The following SLC41A2 variants were observed in gnomAD, a reference collection of about 807,000 sequenced individuals.
The protein encoded by SLC41A2 is solute carrier family 41 member 2, also known as SLC41A1-like 1.
Under a neutral mutation model 58.3 loss-of-function variants are expected in SLC41A2, and 32 were observed. The ratio of observed to expected loss-of-function variants is 0.55; its 90% CI spans 0.41 to 0.74. SLC41A2 has a LOEUF of 0.74. Among genes scored for constraint, SLC41A2 ranks in the 30% least tolerant of loss-of-function variants. The probability of loss-of-function intolerance (pLI) is 0.00; values close to 1 mark genes in which losing one functional copy is unlikely to be tolerated. For missense variants in SLC41A2, 514 were observed against 680.6 expected (o/e 0.76, Z 2.72); for synonymous variants, 190 against 235.0 (o/e 0.81, Z 1.75).
At chr12:104,835,899 A>T (rs1289770061) in intron 10 of SLC41A2, among the ~76,000 whole-genome samples, 2 of 152,160 alleles carry the variant, frequency 1.3e-5, no homozygotes, top group Admixed American at 6.5e-5. Flanking sequence ...GCTGGAGTGC[A>T]GTGGCATGAT....
intron 3 of SLC41A2, among the ~76,000 whole-genome samples, chr12:104,901,536 T>C (rs2045560558): frequency 6.6e-6 from 1 of 152,062 alleles, no homozygotes; most frequent in Non-Finnish European, 1.5e-5. Flanking sequence ...ATAGGAAACC[T>C]ATTTTTATTT....
At chr12:104,919,368 G>A (rs2135833319) in intron 2 of SLC41A2, among the ~76,000 whole-genome samples, 1 of 152,324 alleles carries the variant, frequency 6.6e-6, no homozygotes, top group Non-Finnish European at 1.5e-5. Context: ...GCCCAGGAAT[G>A]CAGTTGCTAT....
chr12:104,940,349 C>G (rs1159228523), intron 1 of SLC41A2, among the ~76,000 whole-genome samples: 1 of 67,210 alleles, frequency 1.5e-5, no homozygotes, highest in African/African-American at 9.6e-5. Flanking sequence ...AAAAGGCTCA[C>G]CTGGGGGGGA....
At chr12:104,824,248 C>T (rs1034516848) in intron 10 of SLC41A2, among the ~76,000 whole-genome samples, 4 of 151,926 alleles carry the variant, frequency 2.6e-5, no homozygotes, top group Non-Finnish European at 4.4e-5. Context: ...TGCCTATAAA[C>T]CCCCCCGAGA....
At chr12:104,822,571 CT>C (rs1223345247) in intron 10 of SLC41A2, among the ~76,000 whole-genome samples, 1 of 152,094 alleles carries the variant, frequency 6.6e-6, no homozygotes, top group African/African-American at 2.4e-5. Flanking sequence ...GGAATATATG[CT>C]GTTTTATGAG....
chr12:104,940,281 G>A (rs2047453049), intron 1 of SLC41A2, among the ~76,000 whole-genome samples: 1 of 151,308 alleles, frequency 6.6e-6, no homozygotes, highest in Non-Finnish European at 1.5e-5. Flanking sequence ...CAAAGTGCTA[G>A]GATTACAGAA....
Position 104,805,209 on chromosome 12 carries a change from G to C in SLC41A2, c.1665C>G (p.Ala555=). The C allele has an allele frequency of 6.2e-7, 1 of 1,613,670 alleles. No homozygotes were observed. The highest frequency in any genetic ancestry group is 1.1e-5 in the South Asian group (1 of 91,050). ...LGDLLGTALL[A]LSFHFLWLIG... ...TAAGCCAAAGAAAATGAAAACTTAA[G>C]GCTAACAGAGCTGTCCCGAGCAGAT... The change falls in exon 11 of 11, where the codon GCC becomes GCG. Residue 555 remains alanine, a synonymous_variant. Coordinates refer to ENST00000258538, the MANE Select transcript of SLC41A2 (RefSeq NM_001352171.3).
intron 3 of SLC41A2, among the ~76,000 whole-genome samples, chr12:104,908,405 C>T (rs1008128121): frequency 1.3e-5 from 2 of 152,198 alleles, no homozygotes; most frequent in African/African-American, 4.8e-5. Context: ...AGAAGTGGGA[C>T]AGAGGGTGGA....
chr12:104,866,831 CATA>C (rs1314344122), intron 6 of SLC41A2, among the ~76,000 whole-genome samples: 2 of 151,954 alleles, frequency 1.3e-5, no homozygotes, highest in Non-Finnish European at 2.9e-5. Context: ...ATGAAAATAG[CATA>C]ATAACAATAA....
At chr12:104,868,783 A>C (rs1193705143) in intron 6 of SLC41A2, among the ~76,000 whole-genome samples, 2 of 152,192 alleles carry the variant, frequency 1.3e-5, no homozygotes, top group South Asian at 4.1e-4. Flanking sequence ...TCATTAATCC[A>C]TACAATTGGA....
At chr12:104,946,053 T>C (rs1276162654) in intron 1 of SLC41A2, among the ~76,000 whole-genome samples, 3 of 152,210 alleles carry the variant, frequency 2.0e-5, no homozygotes, top group African/African-American at 7.2e-5. Flanking sequence ...TAAAAAATGA[T>C]AAAACATTAA....
rs573741215 is a variant in SLC41A2, at chr12:104,857,906, C to T, written c.1255+3385G>A. On this transcript the variant is annotated intron_variant, in intron 8 of 10. Transcript: ENST00000258538. ...TAGAAAATATACCTAATGTAAATGA[C>T]GAGTTAATGGGTGCAGCACACCAAT... 1.1e-3 allele frequency among the ~76,000 whole-genome samples: 164 copies of T among 151,480 alleles called. 1 individual carries two copies. The highest frequency in any genetic ancestry group is 3.1e-3 in the African/African-American group (127 of 41,278).
intron 4 of SLC41A2, among the ~76,000 whole-genome samples, chr12:104,892,530 C>T (rs2045061171): frequency 6.6e-6 from 1 of 151,628 alleles, no homozygotes; most frequent in African/African-American, 2.4e-5. Context: ...TGTGGGATCA[C>T]AAAAAGACTC....
At chr12:104,953,435 C>A (rs2048030801) in intron 1 of SLC41A2, among the ~76,000 whole-genome samples, 1 of 152,222 alleles carries the variant, frequency 6.6e-6, no homozygotes, top group Non-Finnish European at 1.5e-5. Context: ...CCACCCCCAT[C>A]ACTAATTCCT....
chr12:104,946,640 A>G (rs906160740), intron 1 of SLC41A2, among the ~76,000 whole-genome samples: 5 of 152,188 alleles, frequency 3.3e-5, no homozygotes, highest in Admixed American at 2.6e-4. Context: ...TGGAATCTTT[A>G]CGGCAAGTAC....
chr12:104,904,326 A>G (rs2135747846), intron 3 of SLC41A2, among the ~76,000 whole-genome samples: 1 of 152,296 alleles, frequency 6.6e-6, no homozygotes, highest in Non-Finnish European at 1.5e-5. Context: ...GGCACCTTTT[A>G]ACTCCCATTC....
chr12:104,916,411 T>C (rs1593135110), intron 2 of SLC41A2, among the ~76,000 whole-genome samples: 1 of 152,172 alleles, frequency 6.6e-6, no homozygotes, highest in African/African-American at 2.4e-5. Flanking sequence ...AGGTAATTTA[T>C]AGATTCAATG....
chr12:104,835,453 G>A (rs2468343), intron 10 of SLC41A2, among the ~76,000 whole-genome samples: 74,377 of 151,942 alleles, frequency 0.49, 19,030 homozygotes, highest in Middle Eastern at 0.57. Flanking sequence ...GAAATTTCTG[G>A]CTGTTTTCCA....
At chr12:104,850,037 C>T (rs1252716684) in intron 8 of SLC41A2, among the ~76,000 whole-genome samples, 1 of 152,070 alleles carries the variant, frequency 6.6e-6, no homozygotes, top group Non-Finnish European at 1.5e-5. Flanking sequence ...TACACTGGTG[C>T]AGGAGATTTT....
Sources: allele counts gnomAD v4.1 joint callset (sites outside exome capture counted in the v4.1 genomes callset), GRCh38; gene constraint gnomAD v4.1.1; transcripts MANE v1.5; gene names NCBI Gene and HGNC (gene_info 2026-07-23, HGNC 2026-07-21).